DYNC1H1: variants seen among roughly 807,000 people sequenced by gnomAD.
DYNC1H1 encodes dynein cytoplasmic 1 heavy chain 1, also known as cytoplasmic dynein 1 heavy chain 1.
Under a neutral mutation model 527.1 loss-of-function variants are expected in DYNC1H1, and 51 were observed. That is an observed-to-expected ratio of 0.10 (90% CI 0.08 to 0.12). DYNC1H1 has a LOEUF of 0.12. Among genes scored for constraint, DYNC1H1 ranks in the 10% least tolerant of loss-of-function variants. The pLI is 1.00. For synonymous variants in DYNC1H1, 2,189 were observed against 2,278.8 expected (o/e 0.96, Z 1.12); for missense variants, 2,771 against 5,971.8 (o/e 0.46, Z 17.66).
At chr14:101,972,473 C>T (rs970960252) in intron 1 of DYNC1H1, among the ~76,000 whole-genome samples, 2 of 152,148 alleles carry the variant, frequency 1.3e-5, no homozygotes, top group African/African-American at 4.8e-5. Context: ...TTTGCATTAT[C>T]GTTGTTTGAG....
Position 101,994,872 on chromosome 14 carries a change from A to G in DYNC1H1, c.3333+23A>G, listed in dbSNP as rs4900529. The G allele has an allele frequency of 0.12, 196,334 of 1,613,926 alleles. 13,457 individuals carry two copies. The highest frequency in any genetic ancestry group is 0.25 in the African/African-American group (18,635 of 74,976). On this transcript the variant is annotated intron_variant, in intron 13 of 77. Transcript: ENST00000360184. ...AAGGTGAGCCCTGCTGTCTGGTTGA[A>G]AGGTGTCACGGGTAGTGTAAAAGCA...
chr14:101,993,917 A>G (rs1297041710), intron 11 of DYNC1H1, among the ~76,000 whole-genome samples: 1 of 152,228 alleles, frequency 6.6e-6, no homozygotes, highest in Non-Finnish European at 1.5e-5. Flanking sequence ...TCAGATAGTT[A>G]AAATGAGCAA....
chr14:102,045,652 A>G (rs1267686542), intron 72 of DYNC1H1, among the ~76,000 whole-genome samples: 1 of 151,938 alleles, frequency 6.6e-6, no homozygotes, highest in Non-Finnish European at 1.5e-5. Context: ...TTTTTCTTCA[A>G]GAGTTGAAAA....
At position 102,002,728 on chromosome 14, in the gene DYNC1H1, A is replaced by C. The variant is rs1379708688; in HGVS notation, c.4709+25A>C. The stretch of plus-strand genomic sequence containing the variant: ...GGTATGGCCTCCAGCCAGAGAGCCA[A>C]ATTTGCCAGCGGCTAGTGACTACTC... On this transcript the variant is annotated intron_variant, in intron 22 of 77. Transcript: ENST00000360184. The surrounding 1 kb of genome is among the most constrained non-coding windows in gnomAD (Gnocchi z 4.4). 6.2e-7 allele frequency: 1 copy of C among 1,614,218 alleles called. No individual in the cohort carries two copies. Among genetic ancestry groups the C allele is most frequent in the Non-Finnish European group, 8.5e-7 (1 of 1,180,040 alleles).
intron 72 of DYNC1H1, among the ~76,000 whole-genome samples, chr14:102,047,019 C>A (rs537625532): frequency 1.3e-5 from 2 of 152,130 alleles, no homozygotes; most frequent in Admixed American, 1.3e-4. Flanking sequence ...AGTCTTGAAC[C>A]CCTGAGCTCT....
chr14:101,974,228 T>C (rs563660724), intron 1 of DYNC1H1, among the ~76,000 whole-genome samples: 1 of 152,168 alleles, frequency 6.6e-6, no homozygotes, highest in African/African-American at 2.4e-5. Flanking sequence ...GCTTCCCGAG[T>C]AGCTGGAATT....
intron 23 of DYNC1H1, among the ~76,000 whole-genome samples, chr14:102,003,433 T>G (rs1433351066): frequency 6.6e-6 from 1 of 152,032 alleles, no homozygotes; most frequent in Non-Finnish European, 1.5e-5. Context: ...GGCTAATTTT[T>G]ATATTTTTAG....
rs1250081377 is a variant in DYNC1H1 at position 102,012,191 on chromosome 14, A to T, written c.6857+78A>T. 3 of 1,609,996 alleles carry T rather than the reference A, an allele frequency of 1.9e-6. No individual in the cohort carries two copies. The highest frequency in any genetic ancestry group is 4.5e-5 in the East Asian group (2 of 44,880). On this transcript the variant is annotated intron_variant, in intron 33 of 77. Coordinates refer to ENST00000360184, the MANE Select transcript of DYNC1H1 (RefSeq NM_001376.5). The surrounding 1 kb of genome is among the most constrained non-coding windows in gnomAD (Gnocchi z 4.9). ...CTTTGCTCTCACAAGAGCAGAGTAT[A>T]CGTTATTTTTCAACCAAAGTCTGAG...
Position 102,040,304 on chromosome 14 carries a change from C to G in DYNC1H1, c.11759C>G (p.Ser3920Cys). The G allele has an allele frequency of 6.2e-7, 1 of 1,614,166 alleles. No individual in the cohort carries two copies. Among genetic ancestry groups the G allele is most frequent in the South Asian group, 1.1e-5 (1 of 91,080 alleles). The change falls in exon 63 of 78, where the codon TCC becomes TGC. Residue 3920 changes from serine to cysteine, a missense_variant. Physicochemically the swap from Ser to Cys is moderately radical, Grantham distance 112 (BLOSUM62 -1). Around this residue, in one of 32 missense-constraint regions of DYNC1H1, gnomAD observed 120 missense variants for 161.9 expected, o/e 0.74. Transcript: ENST00000360184. ...RGNEIVLSAGSTPRIQGLTVE... is the reference protein window; with the variant it reads ...RGNEIVLSAGCTPRIQGLTVE... ...AATGAGATTGTCCTGAGTGCTGGCTCCACCCCCAGGATCCAGGGCCTGACT... is the reference window on the plus strand; with the variant it reads ...AATGAGATTGTCCTGAGTGCTGGCTGCACCCCCAGGATCCAGGGCCTGACT...
rs753727576 is a variant in DYNC1H1 at position 101,988,757 on chromosome 14, G to C, written c.2773G>C (p.Val925Leu). The C allele has an allele frequency of 3.1e-6, 5 of 1,614,220 alleles. No individual in the cohort carries two copies. The South Asian group carries it at 4.4e-5, about 14-fold the overall frequency. ...LQAGLRAWTQ[V>L]LLGQAEDKAE... ...AGCTGGCCTGAGAGCTTGGACGCAG[G>C]TTCTTCTTGGACAAGCTGAAGATAA... Residue 925 changes from valine to leucine, a missense_variant, in exon 10 of 78, where the codon GTT becomes CTT. Around this residue, in one of 32 missense-constraint regions of DYNC1H1, gnomAD observed 179 missense variants for 349.4 expected, o/e 0.51. Transcript: ENST00000360184.
chr14:102,006,552 T>C (rs1677930094), intron 27 of DYNC1H1, among the ~76,000 whole-genome samples: 1 of 151,840 alleles, frequency 6.6e-6, no homozygotes, highest in Non-Finnish European at 1.5e-5. Flanking sequence ...TTCTTAATTA[T>C]GTGGTGTGTA....
chr14:102,047,890 T>C lies in DYNC1H1; in HGVS notation c.13080T>C (p.Thr4360=), dbSNP rs13749. 0.19 allele frequency: 311,825 copies of C among 1,613,124 alleles called. 38,483 individuals carry two copies. The highest frequency in any genetic ancestry group is 0.6 in the African/African-American group (44,881 of 74,606). ...AGGACGACCTGGCCTACGCAGAGACTGAGAAGAAGACGAGGACAGACTCCA... is the reference window on the plus strand; with the variant it reads ...AGGACGACCTGGCCTACGCAGAGACCGAGAAGAAGACGAGGACAGACTCCA... ...EDEDDLAYAE[T]EKKTRTDSTS... is the part of the protein sequence containing the mutation. Residue 4360 remains threonine, a synonymous_variant, in exon 73 of 78, where the codon ACT becomes ACC. Transcript: ENST00000360184.
intron 1 of DYNC1H1, among the ~76,000 whole-genome samples, chr14:101,966,188 G>A (rs952981220): frequency 6.6e-6 from 1 of 152,194 alleles, no homozygotes; most frequent in Non-Finnish European, 1.5e-5. Flanking sequence ...GTTTCTGATG[G>A]TTTGTTTCTT....
At chr14:101,977,510 C>T (rs967219441) in intron 2 of DYNC1H1, among the ~76,000 whole-genome samples, 12 of 152,166 alleles carry the variant, frequency 7.9e-5, no homozygotes, top group Non-Finnish European at 1.5e-4. Flanking sequence ...TCATTCGTAG[C>T]CTCAGTACAA....
intron 11 of DYNC1H1, 121 bp from the exon 12 acceptor site, chr14:101,994,063 C>T: frequency 7.0e-7 from 1 of 1,432,864 alleles, no homozygotes; most frequent in Non-Finnish European, 9.8e-7. Context: ...GGATGTTATC[C>T]CTTAAATGCC....
At chr14:101,970,365 A>G (rs920321569) in intron 1 of DYNC1H1, among the ~76,000 whole-genome samples, 2 of 151,720 alleles carry the variant, frequency 1.3e-5, no homozygotes, top group Non-Finnish European at 2.9e-5. Flanking sequence ...AAAGCGCCAG[A>G]GACAAGAAAG....
rs201735390 is a variant in DYNC1H1, at chr14:102,037,220, T to TC, written c.10908+579dup. ...GCAGGCAGATCACAAGGTCAGGAGA[T>TC]CAAGACCACCCTGGCCAACATGGTG... On this transcript the variant is annotated intron_variant, in intron 57 of 77. Transcript: ENST00000360184. 778 of 160,636 alleles carry TC rather than the reference T, an allele frequency of 4.8e-3. 11 individuals carry two copies. The highest frequency in any genetic ancestry group is 0.018 in the African/African-American group (745 of 41,280). The allele number at this position is 160,636 out of a possible 1,614,324, so 10.0% of individuals were successfully genotyped here.
At position 102,017,819 on chromosome 14, in the gene DYNC1H1, A is replaced by G. The variant is rs565665627; in HGVS notation, c.8177+315A>G. ...GTCTCTACTGAAAATACAAAAACAAAATTAAGGCCGGGCGTGGTGGCTTAC... is the reference window on the plus strand; with the variant it reads ...GTCTCTACTGAAAATACAAAAACAAGATTAAGGCCGGGCGTGGTGGCTTAC... On this transcript the variant is annotated intron_variant, in intron 40 of 77. Coordinates refer to ENST00000360184, the MANE Select transcript of DYNC1H1 (RefSeq NM_001376.5). This position sits in a 1 kb window ranked among gnomAD's most constrained non-coding sequence, Gnocchi z 4.6. 2.8e-3 allele frequency: 1,072 copies of G among 386,212 alleles called. 10 individuals are homozygous for G. Among genetic ancestry groups the G allele is most frequent in the African/African-American group, 0.023 (968 of 41,780 alleles). The allele number at this position is 386,212 out of a possible 1,614,324, so 23.9% of individuals were successfully genotyped here. A position where few individuals can be genotyped will look rare whatever the true frequency, so the allele number is the denominator to read the frequency against.
chr14:102,022,485 G>A (rs1306583771), intron 42 of DYNC1H1, among the ~76,000 whole-genome samples: 4 of 147,214 alleles, frequency 2.7e-5, no homozygotes, highest in Admixed American at 1.4e-4. Flanking sequence ...CAGCCTTGGC[G>A]ACAGAGAGAG....
Sources: gnomAD v4.1 joint callset for allele counts (sites outside exome capture counted in the v4.1 genomes callset) on GRCh38, gnomAD v4.1.1 for gene constraint, gnomAD v4.1.1 regional missense constraint, Gnocchi (gnomAD v3.1) non-coding constraint, MANE v1.5 for transcripts, NCBI Gene and HGNC (gene_info 2026-07-23, HGNC 2026-07-21) for gene names.